The following CELF4 variants were observed in gnomAD, a reference collection of about 807,000 sequenced individuals.
CELF4 encodes CUG-BP- and ETR-3-like factor 4.
CELF4 carries 18 observed loss-of-function variants against 59.9 expected under a neutral mutation model. The ratio of observed to expected loss-of-function variants is 0.30; its 90% CI spans 0.21 to 0.45. CELF4 has a LOEUF of 0.45. Ranked by LOEUF, CELF4 falls within the 20% of genes least tolerant of loss-of-function variation. The probability of loss-of-function intolerance (pLI) is 1.00; values close to 1 mark genes in which losing one functional copy is unlikely to be tolerated. For synonymous variants in CELF4, 261 were observed against 267.1 expected (o/e 0.98, Z 0.22); for missense variants, 456 against 689.0 (o/e 0.66, Z 3.79).
At position 37,274,394 on chromosome 18, in the gene CELF4, G is replaced by T; in HGVS notation, c.718C>A (p.Arg240=). The change falls in exon 6 of 13, where the codon CGA becomes AGA. Residue 240 remains arginine (R), a synonymous_variant. Transcript: ENST00000420428. ...ADTDKERTMR[R]MQQMAGQMGM... ...ATCTGGCCAGCCATCTGCTGCATTCGCCGCATCGTGCGCTCCTTGTCGGTG... is the reference window on the plus strand; with the variant it reads ...ATCTGGCCAGCCATCTGCTGCATTCTCCGCATCGTGCGCTCCTTGTCGGTG... 1 of 1,613,518 alleles carries T rather than the reference G, an allele frequency of 6.2e-7. No homozygotes were observed. Among genetic ancestry groups the T allele is most frequent in the Non-Finnish European group, 8.5e-7 (1 of 1,179,962 alleles).
chr18:37,287,130 C>T (rs934102717), intron 3 of CELF4, among the ~76,000 whole-genome samples: 43 of 152,128 alleles, frequency 2.8e-4, no homozygotes, highest in African/African-American at 9.7e-4. Flanking sequence ...GGCTGGCCCC[C>T]GAGATACGGA....
chr18:37,464,394 T>G (rs1031583343), intron 2 of CELF4, among the ~76,000 whole-genome samples: 3 of 152,142 alleles, frequency 2.0e-5, no homozygotes, highest in Non-Finnish European at 4.4e-5. Flanking sequence ...AAGACTCCCA[T>G]CGATGCCTAG....
intron 3 of CELF4, among the ~76,000 whole-genome samples, chr18:37,313,058 G>A (rs926500127): frequency 2.0e-5 from 3 of 152,268 alleles, no homozygotes; most frequent in South Asian, 2.1e-4. Context: ...GGGGGTCTCC[G>A]GCTCTGAGGG....
At chr18:37,473,906 C>G (rs548709201) in intron 2 of CELF4, 2 of 152,328 alleles carry the variant, frequency 1.3e-5, no homozygotes, top group African/African-American at 4.8e-5. Flanking sequence ...TTCCTTGCAG[C>G]TAGGGTGGCC....
Position 37,287,630 on chromosome 18 carries a change from TG to T in CELF4, c.449-12388del, listed in dbSNP as rs983723376. On this transcript the variant is annotated intron_variant, in intron 3 of 12. Coordinates refer to ENST00000420428, the MANE Select transcript of CELF4 (RefSeq NM_020180.4). ...CCCAGGCCCCTGTTTCTCAGGCCTC[TG>T]GGTTCCTTTCTATTCCACTTTGTTC... 5.9e-5 allele frequency among the ~76,000 whole-genome samples: 9 copies of T among 152,210 alleles called. 1 individual carries two copies. Among genetic ancestry groups the T allele is most frequent in the Admixed American group, 5.2e-4 (8 of 15,288 alleles).
chr18:37,466,166 G>A (rs917718944), intron 2 of CELF4, among the ~76,000 whole-genome samples: 5 of 152,218 alleles, frequency 3.3e-5, no homozygotes, highest in African/African-American at 1.2e-4. Context: ...AGCCAAGCGC[G>A]AGACAGCAGC....
At chr18:37,371,467 C>T (rs898480439) in intron 2 of CELF4, among the ~76,000 whole-genome samples, 2 of 152,208 alleles carry the variant, frequency 1.3e-5, no homozygotes, top group Admixed American at 6.5e-5. Context: ...CCATCTTGCC[C>T]AGCGCCTTCT....
chr18:37,341,673 T>G (rs146821175), intron 2 of CELF4, among the ~76,000 whole-genome samples: 1 of 152,172 alleles, frequency 6.6e-6, no homozygotes, highest in African/African-American at 2.4e-5. Context: ...TATGGGCTGC[T>G]GTCCAGCATG....
intron 2 of CELF4, among the ~76,000 whole-genome samples, chr18:37,388,467 C>A (rs910754831): frequency 2.0e-5 from 3 of 151,604 alleles, no homozygotes; most frequent in African/African-American, 7.3e-5. Context: ...CTTCCTCCTC[C>A]AGTCTCTCCC....
At chr18:37,512,672 CTCT>C (rs1276802500) in intron 1 of CELF4, among the ~76,000 whole-genome samples, 4 of 150,910 alleles carry the variant, frequency 2.7e-5, no homozygotes, top group African/African-American at 9.8e-5. Flanking sequence ...TCTTCTCCTC[CTCT>C]TCTTTCTTCT....
chr18:37,291,964 AGAG>A (rs1327440284), intron 3 of CELF4, among the ~76,000 whole-genome samples: 2 of 152,102 alleles, frequency 1.3e-5, no homozygotes, highest in Admixed American at 1.3e-4. Flanking sequence ...GATGGTATTA[AGAG>A]GAGGAGCTTT....
Position 37,505,056 on chromosome 18 carries a change from CAGG to C in CELF4, c.287-19452_287-19450del, listed in dbSNP as rs147536360. ...ACACCAAGGCTGAGACTGAGAAAGGCAGGAGAAGTGCCTTGGGGTTCTCTGGTT... is the reference window on the plus strand; with the variant it reads ...ACACCAAGGCTGAGACTGAGAAAGGCAGAAGTGCCTTGGGGTTCTCTGGTT... On this transcript the variant is annotated intron_variant, in intron 1 of 12. Coordinates refer to ENST00000420428, the MANE Select transcript of CELF4 (RefSeq NM_020180.4). Among the ~76,000 whole-genome samples, 768 of 152,036 alleles carry C rather than the reference CAGG, an allele frequency of 5.1e-3. 20 individuals carry two copies. Among genetic ancestry groups the C allele is most frequent in the Admixed American group, 0.041 (632 of 15,282 alleles).
At chr18:37,353,643 TG>T (rs2154555857) in intron 2 of CELF4, among the ~76,000 whole-genome samples, 1 of 21,560 alleles carries the variant, frequency 4.6e-5, no homozygotes, top group African/African-American at 1.8e-4. Flanking sequence ...TAGGTGGGGC[TG>T]GGGGAAAGGT....
rs1237973086 is a variant in CELF4 at position 37,311,896 on chromosome 18, G to A, written c.448+9907C>T. Among the ~76,000 whole-genome samples, 4 of 151,744 alleles carry A rather than the reference G, an allele frequency of 2.6e-5. No homozygotes were observed. The East Asian group carries it at 7.7e-4, about 29-fold the overall frequency. On this transcript the variant is annotated intron_variant, in intron 3 of 12. Transcript: ENST00000420428. ...GGAGGCCGAGGCAGGAGGATCATGA[G>A]GTCAGGAGATCGAGACCATCCTGGC...
chr18:37,468,862 G>T (rs1361312028), intron 2 of CELF4, among the ~76,000 whole-genome samples: 2 of 152,062 alleles, frequency 1.3e-5, no homozygotes, highest in Non-Finnish European at 2.9e-5. Context: ...CAGCATGGGG[G>T]AAACCACATC....
intron 3 of CELF4, among the ~76,000 whole-genome samples, chr18:37,280,070 T>G (rs1255666180): frequency 6.6e-6 from 1 of 152,180 alleles, no homozygotes; most frequent in African/African-American, 2.4e-5. Context: ...CCAGCCCCGC[T>G]TGGACCCAGA....
intron 2 of CELF4, among the ~76,000 whole-genome samples, chr18:37,382,571 G>A (rs1356210177): frequency 6.6e-6 from 1 of 152,182 alleles, no homozygotes; most frequent in East Asian, 1.9e-4. Context: ...CAAAGGTGGT[G>A]AATTCACACA....
At chr18:37,512,677 C>G (rs2099945916) in intron 1 of CELF4, among the ~76,000 whole-genome samples, 1 of 151,442 alleles carries the variant, frequency 6.6e-6, no homozygotes, top group African/African-American at 2.4e-5. Context: ...TCCTCCTCTT[C>G]TTTCTTCTGT....
intron 1 of CELF4, among the ~76,000 whole-genome samples, chr18:37,553,145 C>T (rs569113934): frequency 3.3e-5 from 5 of 152,194 alleles, no homozygotes; most frequent in African/African-American, 1.2e-4. Flanking sequence ...TTGAAATAGT[C>T]AAGATGACAG....
Sources: allele counts gnomAD v4.1 joint callset (sites outside exome capture counted in the v4.1 genomes callset), GRCh38; gene constraint gnomAD v4.1.1; transcripts MANE v1.5; gene names NCBI Gene and HGNC (gene_info 2026-07-23, HGNC 2026-07-21).